TMOD2: variants seen among roughly 807,000 people sequenced by gnomAD.
The protein encoded by TMOD2 is tropomodulin-2.
TMOD2 carries 22 observed loss-of-function variants against 39.9 expected under a neutral mutation model. The observed-to-expected ratio is 0.55, with a 90% CI of 0.39 to 0.79. The LOEUF (loss-of-function observed/expected upper bound fraction) is 0.79, where lower values mean the gene tolerates loss of function less well. Among genes scored for constraint, TMOD2 ranks in the 30% least tolerant of loss-of-function variants. The probability of loss-of-function intolerance (pLI) is 0.00; values close to 1 mark genes in which losing one functional copy is unlikely to be tolerated. For missense variants in TMOD2, 386 were observed against 413.3 expected, an observed-to-expected ratio of 0.93 and a Z score of 0.57; for synonymous variants, 123 against 146.1, an observed-to-expected ratio of 0.84 and a Z score of 1.14.
chr15:51,804,454 A>G (rs146702380), intron 8 of TMOD2, among the ~76,000 whole-genome samples: 8 of 152,346 alleles, frequency 5.3e-5, no homozygotes, highest in African/African-American at 7.2e-5. Flanking sequence ...TACATACTGC[A>G]TGCCAATCTG....
At chr15:51,774,993 C>G (rs1287303627) in intron 4 of TMOD2, among the ~76,000 whole-genome samples, 2 of 152,174 alleles carry the variant, frequency 1.3e-5, no homozygotes, top group African/African-American at 4.8e-5. Context: ...CCTTACTCAG[C>G]TTCCCTCCCT....
intron 8 of TMOD2, 98 bp from the exon 9 acceptor site, chr15:51,806,279 C>G: frequency 7.0e-7 from 1 of 1,429,848 alleles, no homozygotes; most frequent in Middle Eastern, 2.2e-4. Flanking sequence ...GCCTCTTTGC[C>G]TTTTTGTCCA....
chr15:51,785,529 A>G (rs1053366904), intron 7 of TMOD2, among the ~76,000 whole-genome samples: 1 of 151,958 alleles, frequency 6.6e-6, no homozygotes, highest in Admixed American at 6.6e-5. Context: ...AGCACCATGG[A>G]TGGGACTGGA....
At position 51,771,305 on chromosome 15, in the gene TMOD2, T is replaced by A. The variant is rs183442550; in HGVS notation, c.284-2407T>A. Reference sequence around the variant, plus strand: ...ATCCAGGAGCAGCGGGAGGCTACTATGAGGTCCTCAAGAGAGGCTGCACAA... The same window carrying A: ...ATCCAGGAGCAGCGGGAGGCTACTAAGAGGTCCTCAAGAGAGGCTGCACAA... On this transcript the variant is annotated intron_variant, in intron 3 of 9. Coordinates refer to ENST00000249700, the MANE Select transcript of TMOD2 (RefSeq NM_014548.4). Among the ~76,000 whole-genome samples, 364 of 152,342 alleles carry A rather than the reference T, an allele frequency of 2.4e-3. 1 individual carries two copies. The highest frequency in any genetic ancestry group is 8.6e-3 in the African/African-American group (358 of 41,566).
chr15:51,805,485 C>T (rs1279084186), intron 8 of TMOD2, among the ~76,000 whole-genome samples: 3 of 152,016 alleles, frequency 2.0e-5, no homozygotes, highest in Non-Finnish European at 4.4e-5. Flanking sequence ...GAGACAACAG[C>T]CCATAGGTTG....
intron 3 of TMOD2, among the ~76,000 whole-genome samples, chr15:51,769,502 A>G (rs2055838960): frequency 6.6e-6 from 1 of 152,182 alleles, no homozygotes; most frequent in African/African-American, 2.4e-5. Context: ...GAGAAACAGG[A>G]TGACAGAGCT....
chr15:51,760,714 G>A (rs2141613375), intron 1 of TMOD2, among the ~76,000 whole-genome samples: 1 of 152,220 alleles, frequency 6.6e-6, no homozygotes, highest in Admixed American at 6.5e-5. Context: ...GCTGAGGCAG[G>A]AGAATTGCTT....
At chr15:51,752,237 C>A (rs868379916) in intron 1 of TMOD2, among the ~76,000 whole-genome samples, 1 of 152,098 alleles carries the variant, frequency 6.6e-6, no homozygotes, top group Non-Finnish European at 1.5e-5. Context: ...TAAGCGGCCT[C>A]GTGCGGATCC....
intron 1 of TMOD2, among the ~76,000 whole-genome samples, chr15:51,759,720 T>C (rs2055766290): frequency 6.6e-6 from 1 of 152,144 alleles, no homozygotes; most frequent in Admixed American, 6.5e-5. Context: ...CCAAGTAATA[T>C]TAATGTATCA....
At chr15:51,798,936 C>T (rs764748776) in intron 8 of TMOD2, among the ~76,000 whole-genome samples, 8 of 152,212 alleles carry the variant, frequency 5.3e-5, no homozygotes, top group South Asian at 2.1e-4. Flanking sequence ...ATCACAGTCT[C>T]ATTGATCATG....
Position 51,782,979 on chromosome 15 carries a change from A to G in TMOD2, c.732+151A>G, listed in dbSNP as rs1251183011. ...AAATTATAGTTACAATGCAATAGTT[A>G]AACTTCAGAACTGAACTGTCAGATG... On this transcript the variant is annotated intron_variant, in intron 7 of 9. Transcript: ENST00000249700. The G allele has an allele frequency of 6.3e-6, 4 of 636,476 alleles. No individual in the cohort carries two copies. In the Admixed American group the frequency reaches 1.2e-4, roughly 18 times the overall value. The allele number at this position is 636,476 out of a possible 1,614,324, so 39.4% of individuals were successfully genotyped here. A position where few individuals can be genotyped will look rare whatever the true frequency, so the allele number is the denominator to read the frequency against.
chr15:51,805,977 T>C (rs1260727524), intron 8 of TMOD2, among the ~76,000 whole-genome samples: 1 of 152,124 alleles, frequency 6.6e-6, no homozygotes, highest in Non-Finnish European at 1.5e-5. Context: ...AAATAAAAAT[T>C]TAGTAATTGG....
chr15:51,787,000 G>A (rs1248634082), intron 7 of TMOD2, among the ~76,000 whole-genome samples: 5 of 152,240 alleles, frequency 3.3e-5, no homozygotes, highest in Admixed American at 1.3e-4. Context: ...AGCCCATGGA[G>A]GGTGAGCTGA....
chr15:51,775,668 C>T (rs1433343091), intron 4 of TMOD2, among the ~76,000 whole-genome samples: 1 of 150,182 alleles, frequency 6.7e-6, no homozygotes, highest in Admixed American at 6.7e-5. Flanking sequence ...ACCTCCACCT[C>T]CGGAGTTCAA....
chr15:51,763,194 C>T (rs539270933), intron 1 of TMOD2, among the ~76,000 whole-genome samples: 8 of 152,344 alleles, frequency 5.3e-5, no homozygotes, highest in South Asian at 2.1e-4. Context: ...CTGCCTCAGC[C>T]TCCCAAAACA....
At chr15:51,806,715 C>T (rs1053813110) in intron 9 of TMOD2, among the ~76,000 whole-genome samples, 194 bp downstream of exon 9, 1 of 152,128 alleles carries the variant, frequency 6.6e-6, no homozygotes, top group Admixed American at 6.6e-5. Context: ...TTCATCATAG[C>T]ATTTTCTCAA....
chr15:51,763,002 C>G (rs1477858670), intron 1 of TMOD2, among the ~76,000 whole-genome samples: 1 of 151,972 alleles, frequency 6.6e-6, no homozygotes, highest in Non-Finnish European at 1.5e-5. Context: ...GTGGTGCAAT[C>G]ATAGCTCACT....
chr15:51,775,569 C>T (rs8027244), intron 4 of TMOD2, among the ~76,000 whole-genome samples: 53,402 of 129,514 alleles, frequency 0.41, 12,375 homozygotes, highest in Non-Finnish European at 0.44. Flanking sequence ...AATTCTTTTT[C>T]CTTTTTTTTT....
At chr15:51,770,627 C>T (rs1324204794) in intron 3 of TMOD2, among the ~76,000 whole-genome samples, 2 of 152,054 alleles carry the variant, frequency 1.3e-5, no homozygotes, top group African/African-American at 4.8e-5. Context: ...GATCACACAT[C>T]ATTGAGAATG....
Sources: allele counts gnomAD v4.1 joint callset (sites outside exome capture counted in the v4.1 genomes callset), GRCh38; gene constraint gnomAD v4.1.1; transcripts MANE v1.5; gene names NCBI Gene and HGNC (gene_info 2026-07-23, HGNC 2026-07-21).